Variants in GABRB3 observed in about 807,000 individuals in gnomAD.
GABRB3 encodes the protein gamma-aminobutyric acid type A receptor subunit beta3.
A neutral mutation model predicts 52.1 loss-of-function variants in GABRB3; 14 were observed. That is an observed-to-expected ratio of 0.27 (90% CI 0.18 to 0.42). GABRB3 has a LOEUF of 0.42. Ranked by LOEUF, GABRB3 falls within the 10% of genes least tolerant of loss-of-function variation. The pLI, the probability that GABRB3 is intolerant of heterozygous loss-of-function variation, is 1.00. For synonymous variants in GABRB3, 260 were observed against 232.3 expected (o/e 1.12, Z -1.08); for missense variants, 307 against 609.1 (o/e 0.50, Z 5.22).
At chr15:26,710,489 T>C (rs569010634) in intron 3 of GABRB3, among the ~76,000 whole-genome samples, 9 of 152,288 alleles carry the variant, frequency 5.9e-5, no homozygotes, top group Admixed American at 5.9e-4. Flanking sequence ...CTCGAACTCC[T>C]AACCTCAAGT....
At chr15:26,548,241 G>C (rs1375908440) in intron 8 of GABRB3, 107 bp from the exon 9 acceptor site, 2 of 893,792 alleles carry the variant, frequency 2.2e-6, no homozygotes, top group African/African-American at 1.6e-5. Flanking sequence ...TGTTTTACGA[G>C]AAACTGTACA....
chr15:26,576,618 G>A (rs978183853), intron 6 of GABRB3, among the ~76,000 whole-genome samples: 1 of 152,094 alleles, frequency 6.6e-6, no homozygotes, highest in Non-Finnish European at 1.5e-5. Context: ...AAGCCAGTAA[G>A]AAATCTGTAT....
At position 26,546,927 on chromosome 15, in the gene GABRB3, T is replaced by C. The variant is rs931048861; in HGVS notation, c.*866A>G. 2 of 151,708 alleles carry C rather than the reference T, an allele frequency of 1.3e-5. No individual in the cohort carries two copies. Among genetic ancestry groups the C allele is most frequent in the African/African-American group, 4.8e-5 (2 of 41,270 alleles). The allele number at this position is 151,708 out of a possible 1,614,324, so 9.4% of individuals were successfully genotyped here. A position where few individuals can be genotyped will look rare whatever the true frequency, so the allele number is the denominator to read the frequency against. ...GTTGGATATCAGGCCTAGAAATCCA[T>C]ACGAGATGTAGAGCACATTTTCAGT... On this transcript the variant is annotated 3_prime_UTR_variant, in exon 9 of 9. Transcript: ENST00000311550.
At chr15:26,642,425 A>T (rs2140574648) in intron 3 of GABRB3, 1 of 1,254,570 alleles carries the variant, frequency 8.0e-7, no homozygotes, top group African/African-American at 1.5e-5. Flanking sequence ...ATATATATGT[A>T]TACATACATT....
At chr15:26,561,535 T>A (rs1889988292) in intron 7 of GABRB3, among the ~76,000 whole-genome samples, 1 of 147,538 alleles carries the variant, frequency 6.8e-6, no homozygotes, top group Non-Finnish European at 1.5e-5. Context: ...CTGGAAAAAA[T>A]AAAAATAAGC....
At chr15:26,698,727 C>T (rs1595537037) in intron 3 of GABRB3, among the ~76,000 whole-genome samples, 1 of 152,032 alleles carries the variant, frequency 6.6e-6, no homozygotes, top group Non-Finnish European at 1.5e-5. Flanking sequence ...ATTGCCTTTC[C>T]CCTGTCGCTC....
chr15:26,670,150 G>A (rs936688311), intron 3 of GABRB3, among the ~76,000 whole-genome samples: 2 of 152,332 alleles, frequency 1.3e-5, no homozygotes, highest in South Asian at 2.1e-4. Flanking sequence ...AGGGCTGAGC[G>A]CGGAGACCGC....
At chr15:26,734,951 C>T (rs8027969) in intron 3 of GABRB3, among the ~76,000 whole-genome samples, 42,233 of 152,030 alleles carry the variant, frequency 0.28, 6,089 homozygotes, top group African/African-American at 0.3. Flanking sequence ...GTAGAGTAAA[C>T]AGGCAACCCA....
At chr15:26,616,604 A>G (rs1376170152) in intron 4 of GABRB3, among the ~76,000 whole-genome samples, 9 of 83,058 alleles carry the variant, frequency 1.1e-4, no homozygotes, top group African/African-American at 7.9e-4. Context: ...ACTACACTTG[A>G]AAAAAAAAAA....
chr15:26,643,037 A>G (rs1456571964), intron 3 of GABRB3, among the ~76,000 whole-genome samples: 1 of 151,996 alleles, frequency 6.6e-6, no homozygotes, highest in Middle Eastern at 3.2e-3. Flanking sequence ...TCACCAAAGA[A>G]CCCTCAGCTG....
At chr15:26,709,702 A>G in intron 3 of GABRB3, among the ~76,000 whole-genome samples, 1 of 151,636 alleles carries the variant, frequency 6.6e-6, no homozygotes, top group African/African-American at 2.4e-5. Context: ...TATTTCTAGT[A>G]GAGACAGGGT....
intron 3 of GABRB3, among the ~76,000 whole-genome samples, chr15:26,652,746 C>T (rs781608289): frequency 1.3e-5 from 2 of 152,048 alleles, no homozygotes; most frequent in African/African-American, 4.8e-5. Context: ...CTGAGTTGTA[C>T]CCTAAAAGGA....
chr15:26,760,829 G>A (rs199767277), intron 3 of GABRB3, among the ~76,000 whole-genome samples: 65 of 31,138 alleles, frequency 2.1e-3, no homozygotes, highest in African/African-American at 6.5e-3. Flanking sequence ...ACACACACAA[G>A]CAAACAAACA....
chr15:26,614,421 T>G (rs980664313), intron 4 of GABRB3: 1 of 152,128 alleles, frequency 6.6e-6, no homozygotes, highest in East Asian at 1.9e-4. Flanking sequence ...AGAAAATGGA[T>G]AGATTACTTG....
chr15:26,628,703 CAAAACAAAACAAAA>C (rs1378720532), intron 3 of GABRB3, among the ~76,000 whole-genome samples: 1 of 131,184 alleles, frequency 7.6e-6, no homozygotes, highest in Non-Finnish European at 1.8e-5. Context: ...AAAAACAAAA[CAAAACAAAACAAAA>C]AACCAACCAG....
intron 3 of GABRB3, among the ~76,000 whole-genome samples, chr15:26,635,010 A>AT (rs10676156): frequency 0.1 from 7,640 of 74,480 alleles, 1,428 homozygotes; most frequent in Admixed American, 0.14. Flanking sequence ...ATATATATAT[A>AT]ATATATATAT....
chr15:26,722,543 G>A (rs1889668900), intron 3 of GABRB3, among the ~76,000 whole-genome samples: 1 of 152,124 alleles, frequency 6.6e-6, no homozygotes, highest in South Asian at 2.1e-4. Context: ...GAAATTCTAA[G>A]GCAATTTATT....
At chr15:26,725,254 G>A (rs932802267) in intron 3 of GABRB3, among the ~76,000 whole-genome samples, 6 of 152,142 alleles carry the variant, frequency 3.9e-5, no homozygotes, top group Non-Finnish European at 1.5e-5. Context: ...TTTCTGGGAA[G>A]GTACTAAGTA....
intron 6 of GABRB3, among the ~76,000 whole-genome samples, chr15:26,575,961 C>T (rs1046632193): frequency 5.9e-5 from 9 of 152,232 alleles, no homozygotes; most frequent in East Asian, 1.9e-4. Flanking sequence ...TCAATCTTTC[C>T]GTTCAAAGAC....
Sources: allele counts gnomAD v4.1 joint callset (sites outside exome capture counted in the v4.1 genomes callset), GRCh38; gene constraint gnomAD v4.1.1; transcripts MANE v1.5; gene names NCBI Gene and HGNC (gene_info 2026-07-23, HGNC 2026-07-21).